Variants in NRXN3 observed in about 807,000 individuals in gnomAD.
NRXN3 encodes the protein neurexin III.
NRXN3 carries 32 observed loss-of-function variants against 137.6 expected under a neutral mutation model. The observed-to-expected ratio is 0.23, with a 90% CI of 0.18 to 0.31. The LOEUF (loss-of-function observed/expected upper bound fraction) is 0.31. NRXN3 is among the 10% of genes least tolerant of loss of function. The pLI, the probability that NRXN3 is intolerant of heterozygous loss-of-function variation, is 1.00. For missense variants in NRXN3, 1,574 were observed against 2,062.5 expected (o/e 0.76, Z 4.59); for synonymous variants, 798 against 784.5 (o/e 1.02, Z -0.29).
intron 16 of NRXN3, among the ~76,000 whole-genome samples, chr14:79,488,203 G>A (rs902567212): frequency 6.6e-6 from 1 of 152,172 alleles, no homozygotes; most frequent in African/African-American, 2.4e-5. Flanking sequence ...ATTGGCAATT[G>A]GTTTGAATAG....
At chr14:78,607,196 T>A (rs2097260261) in intron 4 of NRXN3, among the ~76,000 whole-genome samples, 2 of 152,246 alleles carry the variant, frequency 1.3e-5, no homozygotes, top group Non-Finnish European at 2.9e-5. Context: ...CATGTCTTTA[T>A]TAATATGAAG....
intron 15 of NRXN3, among the ~76,000 whole-genome samples, chr14:79,071,086 A>C (rs2099687072): frequency 6.6e-6 from 1 of 152,012 alleles, no homozygotes; most frequent in Non-Finnish European, 1.5e-5. Context: ...GGAATTAAGA[A>C]TCTTTGGACA....
rs116319695 is a variant in NRXN3 at position 79,547,833 on chromosome 14, C to G, written c.3444+80431C>G. On this transcript the variant is annotated intron_variant, in intron 16 of 20. Coordinates refer to ENST00000335750, the MANE Select transcript of NRXN3 (RefSeq NM_001330195.2). ...CCTTCGAGAACTAATTGGAAAGAGT[C>G]TTTGATGGCCTATCGTTTTGAATTT... 4.0e-3 allele frequency among the ~76,000 whole-genome samples: 607 copies of G among 152,222 alleles called. 7 individuals carry two copies. The highest frequency in any genetic ancestry group is 0.014 in the African/African-American group (567 of 41,520).
At chr14:79,468,559 G>C (rs76656877) in intron 16 of NRXN3, among the ~76,000 whole-genome samples, 3,586 of 152,352 alleles carry the variant, frequency 0.024, 150 homozygotes, top group African/African-American at 0.082. Context: ...CTCTGAATCA[G>C]AGTTTTGCTA....
At chr14:79,825,048 C>T (rs1314813920) in intron 20 of NRXN3, among the ~76,000 whole-genome samples, 1 of 152,078 alleles carries the variant, frequency 6.6e-6, no homozygotes, top group Non-Finnish European at 1.5e-5. Context: ...ATTTAAAAAT[C>T]TGATTTTATT....
chr14:79,706,934 C>A (rs1273134339), intron 19 of NRXN3, among the ~76,000 whole-genome samples: 1 of 152,128 alleles, frequency 6.6e-6, no homozygotes, highest in Non-Finnish European at 1.5e-5. Context: ...GCACTCCACT[C>A]TTTATGCACT....
rs149834398 is a variant in NRXN3, at chr14:78,279,093, G to T, written c.727+431G>T. 5.7e-4 allele frequency among the ~76,000 whole-genome samples: 87 copies of T among 152,306 alleles called. 2 individuals carry two copies. Among genetic ancestry groups the T allele is most frequent in the Admixed American group, 5.6e-3 (86 of 15,296 alleles). On this transcript the variant is annotated intron_variant, in intron 3 of 20. Coordinates refer to ENST00000335750, the MANE Select transcript of NRXN3 (RefSeq NM_001330195.2). ...ATGGAAAATGTGATGTGGGTGAAAG[G>T]AGGTTTCTTTCTTTTTATTCTCAGA...
At chr14:78,302,181 CCTT>C (rs1487741668) in intron 4 of NRXN3, among the ~76,000 whole-genome samples, 1 of 152,056 alleles carries the variant, frequency 6.6e-6, no homozygotes, top group Admixed American at 6.5e-5. Context: ...GTCTCTGTCT[CCTT>C]GTCTTTCCCT....
chr14:78,778,007 C>T (rs1170577515), intron 8 of NRXN3, among the ~76,000 whole-genome samples: 1 of 152,146 alleles, frequency 6.6e-6, no homozygotes, highest in African/African-American at 2.4e-5. Flanking sequence ...AAGTGATCCG[C>T]CCACCTCAGC....
At chr14:78,985,659 G>C (rs2099501464) in intron 14 of NRXN3, among the ~76,000 whole-genome samples, 1 of 152,140 alleles carries the variant, frequency 6.6e-6, no homozygotes. Flanking sequence ...CTGTTTTACT[G>C]CCTTTTACAG....
chr14:79,251,692 A>G (rs1476759900), intron 15 of NRXN3, among the ~76,000 whole-genome samples: 1 of 152,194 alleles, frequency 6.6e-6, no homozygotes, highest in Non-Finnish European at 1.5e-5. Flanking sequence ...CAGACCTGGG[A>G]GAGCACATTT....
chr14:78,870,766 T>C (rs1465794828), intron 10 of NRXN3, among the ~76,000 whole-genome samples: 2 of 151,954 alleles, frequency 1.3e-5, no homozygotes, highest in African/African-American at 2.4e-5. Flanking sequence ...AGCTCCCACA[T>C]ATTATTGAGA....
intron 15 of NRXN3, among the ~76,000 whole-genome samples, chr14:79,198,108 C>A (rs1247405859): frequency 6.6e-6 from 1 of 152,162 alleles, no homozygotes; most frequent in Non-Finnish European, 1.5e-5. Context: ...CACTCTGCCA[C>A]ACATTTCTCT....
rs72696777 is a variant in NRXN3 at position 79,627,670 on chromosome 14, C to T, written c.3445-36108C>T. Among the ~76,000 whole-genome samples the T allele has an allele frequency of 7.9e-3, 1,198 of 152,192 alleles. 8 individuals carry two copies. Among genetic ancestry groups the T allele is most frequent in the South Asian group, 0.017 (83 of 4,818 alleles). ...GAACAGGATCACATCCAGATTTTAC[C>T]ACTTACTGGCTGTGTGACACTGGGT... On this transcript the variant is annotated intron_variant, in intron 16 of 20. Coordinates refer to ENST00000335750, the MANE Select transcript of NRXN3 (RefSeq NM_001330195.2).
chr14:79,237,848 G>A (rs1046756135), intron 15 of NRXN3, among the ~76,000 whole-genome samples: 1 of 152,058 alleles, frequency 6.6e-6, no homozygotes, highest in Admixed American at 6.6e-5. Context: ...TCTTGCACAG[G>A]TCCATTAACC....
chr14:78,281,156 G>A (rs1341379771), intron 3 of NRXN3, among the ~76,000 whole-genome samples: 2 of 152,162 alleles, frequency 1.3e-5, no homozygotes, highest in Non-Finnish European at 2.9e-5. Flanking sequence ...TTCACTTGGG[G>A]CCCTGGACAT....
chr14:79,187,790 T>C (rs1597035545), intron 15 of NRXN3, among the ~76,000 whole-genome samples: 1 of 152,208 alleles, frequency 6.6e-6, no homozygotes, highest in Non-Finnish European at 1.5e-5. Flanking sequence ...GCAATGGACT[T>C]TTCTTGGATG....
At chr14:78,246,064 T>C (rs2067628455) in intron 2 of NRXN3, among the ~76,000 whole-genome samples, 1 of 152,200 alleles carries the variant, frequency 6.6e-6, no homozygotes, top group Admixed American at 6.5e-5. Context: ...TGTTCTGTTC[T>C]CAAAACTTGT....
In NRXN3 at chr14:78,737,746, C is replaced by T. The variant is rs2098547338; in HGVS notation, c.2044+22607C>T. On this transcript the variant is annotated intron_variant, in intron 8 of 20. Transcript: ENST00000335750. The stretch of plus-strand genomic sequence containing the variant: ...TTCTATTCAAGAGCAGCATGTGTCT[C>T]CTGAGGAGGGGGAGCATTATCAAGC... 2.0e-5 allele frequency among the ~76,000 whole-genome samples: 3 copies of T among 152,078 alleles called. No homozygotes were observed. The South Asian group carries it at 6.2e-4, about 32-fold the overall frequency.
Sources: gnomAD v4.1 joint callset for allele counts (sites outside exome capture counted in the v4.1 genomes callset) on GRCh38, gnomAD v4.1.1 for gene constraint, MANE v1.5 for transcripts, NCBI Gene and HGNC (gene_info 2026-07-23, HGNC 2026-07-21) for gene names.